FAM168A: variants seen among roughly 807,000 people sequenced by gnomAD.
The protein encoded by FAM168A is family with sequence similarity 168 member A.
Under a neutral mutation model 28.5 loss-of-function variants are expected in FAM168A, and 3 were observed. The ratio of observed to expected loss-of-function variants is 0.11; its 90% CI spans 0.05 to 0.27. The LOEUF (loss-of-function observed/expected upper bound fraction) is 0.27, where lower values mean the gene tolerates loss of function less well. FAM168A is among the 10% of genes least tolerant of loss of function. The pLI is 1.00. For synonymous variants in FAM168A, 122 were observed against 124.2 expected (o/e 0.98, Z 0.12); for missense variants, 222 against 311.5 (o/e 0.71, Z 2.16).
intron 1 of FAM168A, among the ~76,000 whole-genome samples, chr11:73,531,612 CAG>C (rs1943513911): frequency 6.6e-6 from 1 of 152,084 alleles, no homozygotes; most frequent in South Asian, 2.1e-4. Context: ...AGCCCCAGAC[CAG>C]AGAGGAGACC....
At chr11:73,419,338 T>C (rs754300331) in intron 4 of FAM168A, among the ~76,000 whole-genome samples, 6 of 152,352 alleles carry the variant, frequency 3.9e-5, no homozygotes, top group Admixed American at 1.3e-4. Context: ...GAGGGCAATT[T>C]TGCCCCATAA....
rs144417694 is a variant in FAM168A, at chr11:73,453,769, C to G, written c.70+14636G>C. Among the ~76,000 whole-genome samples the G allele has an allele frequency of 6.6e-5, 10 of 152,320 alleles. No individual in the cohort carries two copies. The East Asian group carries it at 1.5e-3, about 24-fold the overall frequency. ...AGGCTCTCCCCACTACATTACGCAA[C>G]AGAAACCATTCCAATGAGAATCTAT... is the stretch of plus-strand genomic sequence containing the variant. On this transcript the variant is annotated intron_variant, in intron 2 of 7. Transcript: ENST00000356467.
chr11:73,478,796 G>T (rs749638610), intron 1 of FAM168A, among the ~76,000 whole-genome samples: 10 of 152,104 alleles, frequency 6.6e-5, no homozygotes, highest in Non-Finnish European at 1.5e-4. Flanking sequence ...TGTCCCTGGG[G>T]TATTTATATG....
chr11:73,531,997 G>A (rs1943519970), intron 1 of FAM168A, among the ~76,000 whole-genome samples: 1 of 136,022 alleles, frequency 7.4e-6, no homozygotes, highest in Admixed American at 7.6e-5. Flanking sequence ...TTTTTTGGTA[G>A]AGAAAGATTT....
chr11:73,471,698 C>T (rs1234338389), intron 1 of FAM168A, among the ~76,000 whole-genome samples: 1 of 152,192 alleles, frequency 6.6e-6, no homozygotes, highest in Non-Finnish European at 1.5e-5. Flanking sequence ...ATGCCTTAGC[C>T]TTTCTTTCCC....
rs1467526978 is a variant in FAM168A, at chr11:73,567,857, A to C, written c.-19+30066T>G. On this transcript the variant is annotated intron_variant, in intron 1 of 7. Coordinates refer to ENST00000356467, the MANE Select transcript of FAM168A (RefSeq NM_015159.3). ...CACCCCCGGACAACAAGATAGAAGG[A>C]GCCTGGATCTCTAGATGATTTCATG... Among the ~76,000 whole-genome samples the C allele has an allele frequency of 3.3e-5, 5 of 152,316 alleles. No homozygotes were observed. In the East Asian group the frequency reaches 9.6e-4, roughly 29 times the overall value.
chr11:73,426,661 GTGTGTGTGTA>G (rs1436446480), intron 3 of FAM168A, among the ~76,000 whole-genome samples: 1 of 151,954 alleles, frequency 6.6e-6, no homozygotes, highest in Non-Finnish European at 1.5e-5. Context: ...AATATGCTGT[GTGTGTGTGTA>G]TGTGTGTGTG....
At chr11:73,537,917 C>T (rs1205205105) in intron 1 of FAM168A, among the ~76,000 whole-genome samples, 1 of 152,094 alleles carries the variant, frequency 6.6e-6, no homozygotes, top group African/African-American at 2.4e-5. Context: ...TCTGACTTCC[C>T]CATGTATACT....
intron 1 of FAM168A, among the ~76,000 whole-genome samples, chr11:73,482,174 C>G (rs1285959582): frequency 7.1e-6 from 1 of 140,966 alleles, no homozygotes; most frequent in Admixed American, 7.6e-5. Flanking sequence ...AGACAACATC[C>G]AACAGCCTTT....
intron 1 of FAM168A, among the ~76,000 whole-genome samples, chr11:73,473,194 C>A (rs1234884677): frequency 6.6e-6 from 1 of 151,816 alleles, no homozygotes; most frequent in Non-Finnish European, 1.5e-5. Flanking sequence ...AACTTAAGTC[C>A]AAAAAAATGA....
At chr11:73,555,952 A>G (rs1360302393) in intron 1 of FAM168A, among the ~76,000 whole-genome samples, 1 of 152,128 alleles carries the variant, frequency 6.6e-6, no homozygotes, top group East Asian at 1.9e-4. Flanking sequence ...ATATTTGTGG[A>G]AAAAAAGAAA....
chr11:73,510,212 TC>T (rs1855193637), intron 1 of FAM168A, among the ~76,000 whole-genome samples: 1 of 152,148 alleles, frequency 6.6e-6, no homozygotes, highest in Non-Finnish European at 1.5e-5. Context: ...CCTACCTAGC[TC>T]TTTCAACTAG....
At chr11:73,573,051 C>T (rs181365950) in intron 1 of FAM168A, among the ~76,000 whole-genome samples, 200 of 152,040 alleles carry the variant, frequency 1.3e-3, no homozygotes, top group African/African-American at 4.3e-3. Context: ...AAGCAGATCC[C>T]CCATTTGCCA....
chr11:73,427,351 T>A (rs564632223), intron 3 of FAM168A, among the ~76,000 whole-genome samples: 2,012 of 149,224 alleles, frequency 0.013, 42 homozygotes, highest in African/African-American at 0.048. Flanking sequence ...GAGGGCTTAC[T>A]TTTTGCTTGT....
chr11:73,527,490 A>C (rs1488212723), intron 1 of FAM168A, among the ~76,000 whole-genome samples: 1 of 152,224 alleles, frequency 6.6e-6, no homozygotes, highest in African/African-American at 2.4e-5. Flanking sequence ...AGACATTTCC[A>C]TTTAAATTAG....
At chr11:73,479,949 G>A (rs1016534989) in intron 1 of FAM168A, among the ~76,000 whole-genome samples, 1 of 151,988 alleles carries the variant, frequency 6.6e-6, no homozygotes, top group Non-Finnish European at 1.5e-5. Flanking sequence ...CATTTCAGTG[G>A]TTTTTTTCTT....
At chr11:73,421,294 C>T (rs1866788921) in intron 3 of FAM168A, among the ~76,000 whole-genome samples, 1 of 152,218 alleles carries the variant, frequency 6.6e-6, no homozygotes, top group Admixed American at 6.5e-5. Context: ...CCTCTGGTTC[C>T]TTCGATCCCA....
intron 1 of FAM168A, among the ~76,000 whole-genome samples, chr11:73,483,235 T>A (rs1215245366): frequency 4.6e-5 from 7 of 152,154 alleles, no homozygotes. Context: ...TAGAGGAACA[T>A]CCTCATCACA....
At chr11:73,487,751 C>T (rs1207564716) in intron 1 of FAM168A, among the ~76,000 whole-genome samples, 1 of 152,210 alleles carries the variant, frequency 6.6e-6, no homozygotes, top group Middle Eastern at 3.4e-3. Flanking sequence ...TTTCAAATAT[C>T]TCATTCGCCA....
Sources: gnomAD v4.1 joint callset for allele counts (sites outside exome capture counted in the v4.1 genomes callset) on GRCh38, gnomAD v4.1.1 for gene constraint, MANE v1.5 for transcripts, NCBI Gene and HGNC (gene_info 2026-07-23, HGNC 2026-07-21) for gene names.